Variants in SETD5 observed in about 807,000 individuals in gnomAD.
SETD5 encodes the protein histone-lysine N-methyltransferase SETD5.
Under a neutral mutation model 153.3 loss-of-function variants are expected in SETD5, and 44 were observed. The observed-to-expected ratio is 0.29, with a 90% CI of 0.23 to 0.37. The LOEUF (loss-of-function observed/expected upper bound fraction) is 0.37. Among genes scored for constraint, SETD5 ranks in the 10% least tolerant of loss-of-function variants. The probability of loss-of-function intolerance (pLI) is 1.00; values close to 1 mark genes in which losing one functional copy is unlikely to be tolerated. For synonymous variants in SETD5, 716 were observed against 645.2 expected (o/e 1.11, Z -1.66); for missense variants, 1,544 against 1,768.0 (o/e 0.87, Z 2.27).
intron 1 of SETD5, chr3:9,398,635 C>G (rs1199681884): frequency 1.3e-5 from 2 of 152,272 alleles, no homozygotes; most frequent in Non-Finnish European, 2.9e-5. Flanking sequence ...CAGATTGTGT[C>G]GTTTTACTTG....
In SETD5 at chr3:9,475,520, G is replaced by C. The variant is rs764273787; in HGVS notation, c.3758G>C (p.Ser1253Thr). 6.2e-7 allele frequency: 1 copy of C among 1,613,684 alleles called. No individual in the cohort carries two copies. Among genetic ancestry groups the C allele is most frequent in the South Asian group, 1.1e-5 (1 of 91,078 alleles). ...GATAGTCCTCGGACAGAATCACAAA[G>C]CCTCCTTCAGCAGAGTTCCTCCCCC... ...QCDSPRTESQ[S>T]LLQQSSSPFR... Residue 1253 changes from serine to threonine, a missense_variant, in exon 23 of 23, where the codon AGC (serine) becomes ACC (threonine). Physicochemically the swap from Ser to Thr is moderately conservative, Grantham distance 58. Around this residue, in one of 9 missense-constraint regions of SETD5, gnomAD observed 302 missense variants for 277.6 expected, o/e 1.09. Transcript: ENST00000402198.
intron 1 of SETD5, among the ~76,000 whole-genome samples, chr3:9,406,379 A>G (rs190173596): frequency 9.2e-5 from 14 of 152,310 alleles, no homozygotes; most frequent in Admixed American, 5.9e-4. Context: ...CTATGGTACA[A>G]ACTACTATGC....
rs74948528 is a variant in SETD5, at chr3:9,460,431, CT to C, written c.2477-3978del. On this transcript the variant is annotated intron_variant, in intron 17 of 22. Coordinates refer to ENST00000402198, the MANE Select transcript of SETD5 (RefSeq NM_001080517.3). ...CATCTAACACCAATCAAAATCCTAA[CT>C]TTTTTTTTTTTTTTTAATAGTATGA... Among the ~76,000 whole-genome samples the C allele has an allele frequency of 4.4e-3, 607 of 138,466 alleles. 1 individual carries two copies. Among genetic ancestry groups the C allele is most frequent in the Middle Eastern group, 0.031 (8 of 262 alleles). The allele number at this position is 138,466 out of a possible 152,430, so 90.8% of individuals were successfully genotyped here. A position where few individuals can be genotyped will look rare whatever the true frequency, so the allele number is the denominator to read the frequency against.
chr3:9,445,667 A>C lies in SETD5; in HGVS notation c.1451A>C (p.Asn484Thr). 1 of 1,613,556 alleles carries C rather than the reference A, an allele frequency of 6.2e-7. No homozygotes were observed. The highest frequency in any genetic ancestry group is 8.5e-7 in the Non-Finnish European group (1 of 1,179,618). The change falls in exon 13 of 23, where the codon AAT becomes ACT. Residue 484 changes from asparagine (N) to threonine (T), a missense_variant. By Grantham distance (65) the Asn-to-Thr change is moderately conservative. Coordinates refer to ENST00000402198, the MANE Select transcript of SETD5 (RefSeq NM_001080517.3). ...TVSSDHEEVDNPEEKPEEEKE... is the reference protein window; with the variant it reads ...TVSSDHEEVDTPEEKPEEEKE... ...GCCTCTATCTTAAAGGAAGTAGACA[A>C]TCCAGAAGAAAAACCAGAAGAAGAG...
chr3:9,445,928 T>C (rs1234292012), intron 13 of SETD5, among the ~76,000 whole-genome samples, 188 bp downstream of exon 13: 2 of 151,284 alleles, frequency 1.3e-5, no homozygotes, highest in Admixed American at 6.6e-5. Context: ...ACAGTAGTTT[T>C]GTAGTGATTA....
chr3:9,429,104 T>A, intron 3 of SETD5, 95 bp downstream of exon 3: 1 of 795,560 alleles, frequency 1.3e-6, no homozygotes, highest in Non-Finnish European at 2.0e-6. Flanking sequence ...AGTATTTTCT[T>A]AACCAGATCC....
At chr3:9,467,962 C>G (rs78911807) in intron 18 of SETD5, among the ~76,000 whole-genome samples, 232 of 151,958 alleles carry the variant, frequency 1.5e-3, no homozygotes, top group African/African-American at 5.5e-3. Context: ...TTCCATCAAT[C>G]ACATTTCCTG....
rs184544003 is a variant in SETD5 at position 9,400,469 on chromosome 3, T to C, written c.-177+2492T>C. 1.6e-4 allele frequency among the ~76,000 whole-genome samples: 24 copies of C among 152,366 alleles called. No individual in the cohort carries two copies. In the Middle Eastern group the frequency reaches 0.014, roughly 86 times the overall value. On this transcript the variant is annotated intron_variant, in intron 1 of 22. Transcript: ENST00000402198. ...ATAGAATCAATTCTTATTATTTTGT[T>C]ATGTGTCTCCATCCTTTCGATTAGA...
At chr3:9,433,460 T>C in intron 3 of SETD5, 6 of 1,289,984 alleles carry the variant, frequency 4.7e-6, no homozygotes, top group Non-Finnish European at 6.1e-6. Context: ...GCAAATGTCA[T>C]GTGAGGTTTC....
At chr3:9,458,860 A>G (rs1334052308) in intron 17 of SETD5, among the ~76,000 whole-genome samples, 1 of 152,146 alleles carries the variant, frequency 6.6e-6, no homozygotes, top group African/African-American at 2.4e-5. Flanking sequence ...ACCAAAATTT[A>G]TATATAAGGT....
chr3:9,411,701 A>G (rs372460326), intron 1 of SETD5, among the ~76,000 whole-genome samples: 2 of 152,350 alleles, frequency 1.3e-5, no homozygotes. Flanking sequence ...GCATCCAGTA[A>G]ATGCTGCCTT....
At position 9,477,740 on chromosome 3, in the gene SETD5, G is replaced by A. The variant is rs1276656932; in HGVS notation, c.*1649G>A. ...TCAGCAGAGTACTTTTCTTTTTGTT[G>A]TTTCCCCCACAAACCCATCAGTCTG... On this transcript the variant is annotated 3_prime_UTR_variant, in exon 23 of 23. Transcript: ENST00000402198. 2 of 105,526 alleles carry A rather than the reference G, an allele frequency of 1.9e-5. No homozygotes were observed. The highest frequency in any genetic ancestry group is 1.0e-4 in the Admixed American group (1 of 9,822). The allele number at this position is 105,526 out of a possible 1,614,324, so 6.5% of individuals were successfully genotyped here.
chr3:9,463,571 C>T (rs1486476435), intron 17 of SETD5, among the ~76,000 whole-genome samples: 8 of 152,086 alleles, frequency 5.3e-5, no homozygotes, highest in Non-Finnish European at 1.0e-4. Flanking sequence ...TAGGATTATT[C>T]TAGTCAAAAA....
intron 1 of SETD5, among the ~76,000 whole-genome samples, chr3:9,402,478 A>G (rs1346413391): frequency 6.6e-6 from 1 of 152,156 alleles, no homozygotes; most frequent in African/African-American, 2.4e-5. Flanking sequence ...GTTTGATATG[A>G]AGACAGGGAA....
chr3:9,458,697 G>A (rs1482753363), intron 17 of SETD5, among the ~76,000 whole-genome samples: 2 of 152,144 alleles, frequency 1.3e-5, no homozygotes, highest in Non-Finnish European at 2.9e-5. Context: ...TAGTACATTG[G>A]GGAAAGGATT....
chr3:9,422,250 A>G (rs1222207274), intron 1 of SETD5, among the ~76,000 whole-genome samples: 5 of 152,316 alleles, frequency 3.3e-5, no homozygotes, highest in African/African-American at 1.2e-4. Context: ...GTTGCCCTGC[A>G]AAAAAGTGGT....
Position 9,446,053 on chromosome 3 carries a change from C to T in SETD5, c.1524+313C>T, listed in dbSNP as rs1334109987. ...CTGTAATCCCAGCACTTTGGGAGGGCGAGGTGGGCGGATCACGAGGTCAGG... is the reference window on the plus strand; with the variant it reads ...CTGTAATCCCAGCACTTTGGGAGGGTGAGGTGGGCGGATCACGAGGTCAGG... On this transcript the variant is annotated intron_variant, in intron 13 of 22. Transcript: ENST00000402198. Among the ~76,000 whole-genome samples the T allele has an allele frequency of 5.1e-5, 7 of 136,608 alleles. No homozygotes were observed. In the East Asian group the frequency reaches 6.6e-4, roughly 13 times the overall value. 89.6% of individuals were successfully genotyped at this position (136,608 alleles called of 152,430 possible).
At chr3:9,412,033 T>C (rs774824063) in intron 1 of SETD5, among the ~76,000 whole-genome samples, 4 of 152,112 alleles carry the variant, frequency 2.6e-5, no homozygotes, top group Non-Finnish European at 4.4e-5. Flanking sequence ...GAAATTGTAT[T>C]ATTTGTTGTG....
At chr3:9,421,443 G>C (rs1277322687) in intron 1 of SETD5, among the ~76,000 whole-genome samples, 1 of 151,928 alleles carries the variant, frequency 6.6e-6, no homozygotes, top group Admixed American at 6.6e-5. Context: ...TGGCCTCTAA[G>C]AGTGCTTTTT....
Sources: allele counts gnomAD v4.1 joint callset (sites outside exome capture counted in the v4.1 genomes callset), GRCh38; gene constraint gnomAD v4.1.1; regional missense constraint gnomAD v4.1.1; transcripts MANE v1.5; gene names NCBI Gene and HGNC (gene_info 2026-07-23, HGNC 2026-07-21).